The following TRPM3 variants were observed in gnomAD, a reference collection of about 807,000 sequenced individuals.
TRPM3 encodes long transient receptor potential channel 3.
A neutral mutation model predicts 181.2 loss-of-function variants in TRPM3; 77 were observed. That is an observed-to-expected ratio of 0.42 (90% confidence interval 0.35 to 0.51). The LOEUF (loss-of-function observed/expected upper bound fraction) is 0.51. Among genes scored for constraint, TRPM3 ranks in the 20% least tolerant of loss-of-function variants. The pLI, the probability that TRPM3 is intolerant of heterozygous loss-of-function variation, is 0.01. For synonymous variants in TRPM3, 745 were observed against 796.4 expected (o/e 0.94, Z 1.09); for missense variants, 1,759 against 2,196.7 (o/e 0.80, Z 3.98).
At chr9:70,546,080 G>A (rs1434202155) in intron 25 of TRPM3, among the ~76,000 whole-genome samples, 1 of 152,132 alleles carries the variant, frequency 6.6e-6, no homozygotes, top group African/African-American at 2.4e-5. Flanking sequence ...GGAAACAACT[G>A]CTTTGGGTAC....
chr9:71,307,978 T>C (rs1050665791), intron 1 of TRPM3, among the ~76,000 whole-genome samples: 7 of 151,586 alleles, frequency 4.6e-5, no homozygotes, highest in Admixed American at 6.6e-5. Context: ...TTCTTTCTTT[T>C]TTTTTTTTTG....
At chr9:70,944,023 G>A (rs533671831) in intron 1 of TRPM3, among the ~76,000 whole-genome samples, 5 of 152,134 alleles carry the variant, frequency 3.3e-5, no homozygotes, top group Middle Eastern at 3.4e-3. Context: ...CAAGTGGTCC[G>A]CCCCCCACCT....
chr9:70,803,242 G>A (rs1020880716), intron 6 of TRPM3, among the ~76,000 whole-genome samples: 6 of 151,796 alleles, frequency 4.0e-5, no homozygotes, highest in Non-Finnish European at 8.8e-5. Context: ...TTCCTACTTG[G>A]CCCGTCAGTA....
At chr9:71,437,880 AG>A (rs537327700) in intron 1 of TRPM3, among the ~76,000 whole-genome samples, 239 of 141,786 alleles carry the variant, frequency 1.7e-3, no homozygotes, top group African/African-American at 5.1e-3. Context: ...AAAAAAAAAA[AG>A]AAAAAAAAAC....
chr9:70,943,029 G>A (rs1262052651), intron 1 of TRPM3, among the ~76,000 whole-genome samples: 1 of 151,874 alleles, frequency 6.6e-6, no homozygotes, highest in South Asian at 2.1e-4. Context: ...TTTGGCATTC[G>A]AGATGTGAAT....
At chr9:70,680,656 G>C (rs1020957178) in intron 9 of TRPM3, among the ~76,000 whole-genome samples, 1 of 152,216 alleles carries the variant, frequency 6.6e-6, no homozygotes, top group African/African-American at 2.4e-5. Flanking sequence ...GGGGCTAAGA[G>C]AGAATGTAGG....
At chr9:71,333,004 A>T (rs2090318388) in intron 1 of TRPM3, among the ~76,000 whole-genome samples, 1 of 151,928 alleles carries the variant, frequency 6.6e-6, no homozygotes, top group Non-Finnish European at 1.5e-5. Flanking sequence ...GCTTATATTC[A>T]ATCTGGTCTC....
chr9:71,347,937 T>C (rs1184031659), intron 1 of TRPM3, among the ~76,000 whole-genome samples: 3 of 152,168 alleles, frequency 2.0e-5, no homozygotes, highest in Admixed American at 6.5e-5. Context: ...ATAGGGCTGA[T>C]TGATTTGCAC....
rs1196975180 is a variant in TRPM3, at chr9:71,211,439, T to G, written c.183+235214A>C. Among the ~76,000 whole-genome samples the G allele has an allele frequency of 2.6e-5, 4 of 151,944 alleles. No homozygotes were observed. In the East Asian group the frequency reaches 7.7e-4, roughly 29 times the overall value. On this transcript the variant is annotated intron_variant, in intron 1 of 24. Coordinates refer to the TRPM3 transcript ENST00000357533. ...TAAAGACAGTAATGCCAATTCAAAG[T>G]TTCAGTGTCCCATATATTCGTTTCC...
At chr9:71,428,259 T>C (rs2093901793) in intron 1 of TRPM3, among the ~76,000 whole-genome samples, 1 of 150,504 alleles carries the variant, frequency 6.6e-6, no homozygotes, top group Non-Finnish European at 1.5e-5. Flanking sequence ...GCCCGGCTTT[T>C]TTTTTTTTTT....
chr9:71,440,611 G>GA (rs2094123247), intron 1 of TRPM3, among the ~76,000 whole-genome samples: 1 of 152,160 alleles, frequency 6.6e-6, no homozygotes, highest in Non-Finnish European at 1.5e-5. Flanking sequence ...AATGTACTCT[G>GA]ACTATAAAGC....
chr9:71,010,156 A>G (rs1406140827), intron 1 of TRPM3, among the ~76,000 whole-genome samples: 1 of 152,192 alleles, frequency 6.6e-6, no homozygotes, highest in African/African-American at 2.4e-5. Context: ...AAAATGTTTC[A>G]TGAAATTGGA....
chr9:70,994,337 G>C (rs895114050), intron 1 of TRPM3, among the ~76,000 whole-genome samples: 1 of 152,130 alleles, frequency 6.6e-6, no homozygotes, highest in South Asian at 2.1e-4. Flanking sequence ...CCAGTTGCTA[G>C]GTGACAGGCC....
intron 1 of TRPM3, among the ~76,000 whole-genome samples, chr9:71,321,874 C>A (rs2089253558): frequency 6.6e-6 from 1 of 151,940 alleles, no homozygotes; most frequent in Non-Finnish European, 1.5e-5. Flanking sequence ...CCTCAAAGTC[C>A]CCACAATGTA....
At chr9:70,921,629 G>A (rs2096654034) in intron 1 of TRPM3, among the ~76,000 whole-genome samples, 1 of 152,160 alleles carries the variant, frequency 6.6e-6, no homozygotes, top group East Asian at 1.9e-4. Context: ...TTTGATACGT[G>A]TCTCTAGGAG....
chr9:71,217,159 C>T lies in TRPM3; in HGVS notation c.183+229494G>A, dbSNP rs549282434. Among the ~76,000 whole-genome samples, 4 of 151,554 alleles carry T rather than the reference C, an allele frequency of 2.6e-5. No individual in the cohort carries two copies. The East Asian group carries it at 5.9e-4, about 22-fold the overall frequency. On this transcript the variant is annotated intron_variant, in intron 1 of 24. Transcript: ENST00000357533. Reference sequence around the variant, plus strand: ...TAGAGACGGGGTTTCACCGTGTTAGCCAGGATGGTCTCGATCTCCTGACCT... The same window carrying T: ...TAGAGACGGGGTTTCACCGTGTTAGTCAGGATGGTCTCGATCTCCTGACCT...
At chr9:70,980,682 CA>C (rs1281925689) in intron 1 of TRPM3, among the ~76,000 whole-genome samples, 2 of 152,188 alleles carry the variant, frequency 1.3e-5, no homozygotes, top group African/African-American at 2.4e-5. Flanking sequence ...TTTATTCACT[CA>C]GTAGCACCCT....
intron 1 of TRPM3, among the ~76,000 whole-genome samples, chr9:71,046,502 C>T (rs2059456465): frequency 6.6e-6 from 1 of 152,250 alleles, no homozygotes; most frequent in Non-Finnish European, 1.5e-5. Flanking sequence ...GGAAAGGGCA[C>T]TTCTATTTTA....
At chr9:71,072,008 G>T (rs919255556) in intron 1 of TRPM3, among the ~76,000 whole-genome samples, 2 of 152,272 alleles carry the variant, frequency 1.3e-5, no homozygotes, top group Non-Finnish European at 2.9e-5. Flanking sequence ...AGATGTTTTT[G>T]GTACTGGGTC....
Sources: gnomAD v4.1 joint callset for allele counts (sites outside exome capture counted in the v4.1 genomes callset) on GRCh38, gnomAD v4.1.1 for gene constraint, MANE v1.5 for transcripts, NCBI Gene and HGNC (gene_info 2026-07-23, HGNC 2026-07-21) for gene names.